Variants in NOL4 observed in about 807,000 individuals in gnomAD.
The protein encoded by NOL4 is nucleolar protein 4, also known as cancer/testis antigen 125.
Under a neutral mutation model 75.9 loss-of-function variants are expected in NOL4, and 17 were observed. That is an observed-to-expected ratio of 0.22 (90% CI 0.15 to 0.34). The LOEUF is 0.34. NOL4 is among the 10% of genes least tolerant of loss of function. The pLI is 1.00. For synonymous variants in NOL4, 292 were observed against 289.9 expected (o/e 1.01, Z -0.07); for missense variants, 614 against 793.5 (o/e 0.77, Z 2.72).
chr18:34,219,242 G>A (rs1386377281), intron 1 of NOL4, among the ~76,000 whole-genome samples: 1 of 152,128 alleles, frequency 6.6e-6, no homozygotes, highest in Non-Finnish European at 1.5e-5. Flanking sequence ...TTAGACCTTT[G>A]TGTCTGTTCC....
At chr18:34,064,939 AC>A (rs1568296109) in intron 5 of NOL4, among the ~76,000 whole-genome samples, 3 of 58,756 alleles carry the variant, frequency 5.1e-5, no homozygotes, top group Non-Finnish European at 8.9e-5. Flanking sequence ...ACACACACAC[AC>A]ACACACACAC....
Position 34,011,128 on chromosome 18 carries a change from G to A in NOL4, c.1056+8190C>T, listed in dbSNP as rs1267086806. Among the ~76,000 whole-genome samples the A allele has an allele frequency of 3.3e-5, 5 of 151,606 alleles. No homozygotes were observed. In the East Asian group the frequency reaches 5.8e-4, roughly 18 times the overall value. On this transcript the variant is annotated intron_variant, in intron 6 of 10. Transcript: ENST00000261592. ...ATACAAATAAATGATAAATGTTTGAGGTGATGGAAACTCCAATTACACTGA... is the reference window on the plus strand; with the variant it reads ...ATACAAATAAATGATAAATGTTTGAAGTGATGGAAACTCCAATTACACTGA...
rs144273470 is a variant in NOL4 at position 34,134,351 on chromosome 18, T to C, written c.265-4331A>G. Among the ~76,000 whole-genome samples, 220 of 151,240 alleles carry C rather than the reference T, an allele frequency of 1.5e-3. 3 individuals are homozygous for C. In the East Asian group the frequency reaches 0.035, roughly 24 times the overall value. ...CTAAAATATAATTTAAAAATATAAT[T>C]AAAAAAGAGACTCATTTCATAGTAA... is the stretch of plus-strand genomic sequence containing the variant. On this transcript the variant is annotated intron_variant, in intron 1 of 10. Transcript: ENST00000261592.
At position 34,116,266 on chromosome 18, in the gene NOL4, G is replaced by T. The variant is rs1166389330; in HGVS notation, c.415-11106C>A. Among the ~76,000 whole-genome samples, 3 of 151,410 alleles carry T rather than the reference G, an allele frequency of 2.0e-5. No homozygotes were observed. In the Admixed American group the frequency reaches 2.0e-4, roughly 10 times the overall value. On this transcript the variant is annotated intron_variant, in intron 2 of 10. Transcript: ENST00000261592. ...AATGATCAAGTTCTATAAAGGGCATGGTTTCCTATCTTCCATCTGTGGGTT... is the reference window on the plus strand; with the variant it reads ...AATGATCAAGTTCTATAAAGGGCATTGTTTCCTATCTTCCATCTGTGGGTT...
At chr18:34,115,821 C>T (rs2079828794) in intron 2 of NOL4, among the ~76,000 whole-genome samples, 1 of 152,098 alleles carries the variant, frequency 6.6e-6, no homozygotes, top group African/African-American at 2.4e-5. Flanking sequence ...TCTTGATTTC[C>T]TTGGCAGTGA....
At chr18:33,967,394 T>C (rs548093788) in intron 6 of NOL4, among the ~76,000 whole-genome samples, 33 of 152,250 alleles carry the variant, frequency 2.2e-4, no homozygotes, top group African/African-American at 7.7e-4. Flanking sequence ...GATACTCTTG[T>C]GGACATCATC....
intron 1 of NOL4, among the ~76,000 whole-genome samples, chr18:34,171,851 A>C (rs1173504276): frequency 6.6e-6 from 1 of 152,182 alleles, no homozygotes; most frequent in Non-Finnish European, 1.5e-5. Context: ...CATTAAATTA[A>C]GACTCTTAGA....
chr18:34,167,795 G>C (rs1174883577), intron 1 of NOL4, among the ~76,000 whole-genome samples: 1 of 152,036 alleles, frequency 6.6e-6, no homozygotes, highest in Non-Finnish European at 1.5e-5. Flanking sequence ...ACTGGAGGGA[G>C]TAGGGAGAAG....
chr18:34,024,193 AAATATAT>A (rs2075213454), intron 5 of NOL4, among the ~76,000 whole-genome samples: 2 of 110,262 alleles, frequency 1.8e-5, no homozygotes, highest in African/African-American at 3.4e-5. Context: ...AAAAAAAAAA[AAATATAT>A]ATATATATAT....
intron 1 of NOL4, among the ~76,000 whole-genome samples, chr18:34,160,299 T>C (rs908611243): frequency 3.3e-5 from 5 of 152,184 alleles, no homozygotes; most frequent in African/African-American, 4.8e-5. Flanking sequence ...TATCCTCCTC[T>C]TGAATAATGT....
chr18:33,861,734 G>C (rs191412329), intron 10 of NOL4, among the ~76,000 whole-genome samples: 1 of 152,200 alleles, frequency 6.6e-6, no homozygotes, highest in East Asian at 1.9e-4. Context: ...ACCTCTTCAA[G>C]GAGAACTACA....
intron 10 of NOL4, among the ~76,000 whole-genome samples, chr18:33,875,426 G>T (rs2063888719): frequency 6.6e-6 from 1 of 152,158 alleles, no homozygotes; most frequent in African/African-American, 2.4e-5. Flanking sequence ...CAAACAAATG[G>T]AGGTTGGCTA....
At chr18:34,041,504 G>A (rs544352533) in intron 5 of NOL4, among the ~76,000 whole-genome samples, 299 of 131,998 alleles carry the variant, frequency 2.3e-3, no homozygotes, top group Middle Eastern at 7.6e-3. Context: ...GACCTTATTA[G>A]CTAAAATGAA....
intron 5 of NOL4, 105 bp downstream of exon 5, chr18:34,093,360 T>C (rs535002865): frequency 8.4e-7 from 1 of 1,189,166 alleles, no homozygotes; most frequent in East Asian, 2.5e-5. Flanking sequence ...AATGGGTAGA[T>C]TTTTAAAAAT....
chr18:34,172,664 T>C (rs181572631), intron 1 of NOL4, among the ~76,000 whole-genome samples: 5 of 152,236 alleles, frequency 3.3e-5, no homozygotes, highest in Non-Finnish European at 1.5e-5. Flanking sequence ...GGTTCCCTTT[T>C]CTCCATATCA....
At chr18:33,919,761 T>A (rs1010255801) in intron 9 of NOL4, among the ~76,000 whole-genome samples, 1 of 152,190 alleles carries the variant, frequency 6.6e-6, no homozygotes, top group Non-Finnish European at 1.5e-5. Context: ...GTACAGGGTA[T>A]GCATATGTGA....
At chr18:34,014,228 A>T (rs910547083) in intron 6 of NOL4, among the ~76,000 whole-genome samples, 2 of 151,938 alleles carry the variant, frequency 1.3e-5, no homozygotes, top group African/African-American at 4.8e-5. Flanking sequence ...AGATTAATTG[A>T]AAAAAGTTAC....
At chr18:34,216,383 A>T (rs1475752483) in intron 1 of NOL4, among the ~76,000 whole-genome samples, 14 of 152,116 alleles carry the variant, frequency 9.2e-5, no homozygotes, top group Admixed American at 9.2e-4. Flanking sequence ...GTAAAAGACA[A>T]ATACTCTCAA....
chr18:33,957,354 C>A lies in NOL4; in HGVS notation c.1400G>T (p.Arg467Met). The change falls in exon 8 of 11, where the codon AGG becomes ATG. Residue 467 changes from arginine (R) to methionine (M), a missense_variant. Arg to Met is a moderately conservative substitution (Grantham distance 91). Transcript: ENST00000261592. ...KRIRTYLKSC[R>M]RMKRSGFEMS... ...CTCAAAACCACTTCTTTTCATCCGC[C>A]TGCAGGACTTGAGGTAAGTACGTAT... The A allele has an allele frequency of 6.2e-7, 1 of 1,613,206 alleles. No individual in the cohort carries two copies. Among genetic ancestry groups the A allele is most frequent in the Non-Finnish European group, 8.5e-7 (1 of 1,179,460 alleles).
Sources: gnomAD v4.1 joint callset for allele counts (sites outside exome capture counted in the v4.1 genomes callset) on GRCh38, gnomAD v4.1.1 for gene constraint, MANE v1.5 for transcripts, NCBI Gene and HGNC (gene_info 2026-07-23, HGNC 2026-07-21) for gene names.